The following EEFSEC variants were observed in gnomAD, a reference collection of about 807,000 sequenced individuals.
EEFSEC encodes eukaryotic elongation factor, selenocysteine-tRNA specific, also known as selenocysteine-specific elongation factor.
EEFSEC carries 43 observed loss-of-function variants against 42.1 expected under a neutral mutation model. The ratio of observed to expected loss-of-function variants is 1.02; its 90% CI spans 0.80 to 1.32. The LOEUF is 1.32. Among genes scored for constraint, EEFSEC ranks in the 40% most tolerant of loss-of-function variants. The probability of loss-of-function intolerance (pLI) is 0.00; values close to 1 mark genes in which losing one functional copy is unlikely to be tolerated. For synonymous variants in EEFSEC, 354 were observed against 339.1 expected (o/e 1.04, Z -0.48); for missense variants, 745 against 803.6 (o/e 0.93, Z 0.88).
intron 1 of EEFSEC, among the ~76,000 whole-genome samples, chr3:128,206,818 A>C (rs796453842): frequency 2.0e-5 from 3 of 152,200 alleles, no homozygotes; most frequent in South Asian, 4.1e-4. Context: ...TGGGGACTTC[A>C]CTTTACTTCT....
intron 6 of EEFSEC, among the ~76,000 whole-genome samples, chr3:128,366,253 T>C (rs866108680): frequency 1.2e-4 from 19 of 152,228 alleles, no homozygotes; most frequent in African/African-American, 4.6e-4. Flanking sequence ...CATTGGTCCA[T>C]ATGGGCTGGT....
At position 128,358,366 on chromosome 3, in the gene EEFSEC, C is replaced by A; in HGVS notation, c.1593C>A (p.His531Gln). The change falls in exon 6 of 7, where the codon CAC becomes CAA. Residue 531 changes from histidine (H) to glutamine (Q), a missense_variant. Coordinates refer to ENST00000254730, the MANE Select transcript of EEFSEC (RefSeq NM_021937.5). ...AFGQSGKFKI[H>Q]IPGGLSPESK... ...GCCAGAGCGGCAAGTTCAAGATCCA[C>A]ATCCCAGGTAAGTGCAGCCACTTCC... is the stretch of plus-strand genomic sequence containing the variant. The A allele has an allele frequency of 6.2e-7, 1 of 1,614,220 alleles. No individual in the cohort carries two copies. The highest frequency in any genetic ancestry group is 8.5e-7 in the Non-Finnish European group (1 of 1,180,014).
intron 6 of EEFSEC, among the ~76,000 whole-genome samples, chr3:128,390,382 T>C (rs921794506): frequency 4.6e-5 from 7 of 152,208 alleles, no homozygotes; most frequent in African/African-American, 1.7e-4. Flanking sequence ...GAGGGGTGCA[T>C]GTGGGGAAGG....
At chr3:128,392,181 G>A (rs998245317) in intron 6 of EEFSEC, among the ~76,000 whole-genome samples, 4 of 152,168 alleles carry the variant, frequency 2.6e-5, no homozygotes, top group Non-Finnish European at 5.9e-5. Flanking sequence ...CAGGGCATGC[G>A]GGACCCAGAG....
chr3:128,272,084 C>T (rs970978201), intron 4 of EEFSEC, among the ~76,000 whole-genome samples: 4 of 152,180 alleles, frequency 2.6e-5, no homozygotes, highest in Non-Finnish European at 4.4e-5. Flanking sequence ...TGGATGTCAT[C>T]AGGAGTGCTG....
intron 1 of EEFSEC, among the ~76,000 whole-genome samples, chr3:128,233,075 A>G (rs1349986529): frequency 6.6e-6 from 1 of 152,236 alleles, no homozygotes; most frequent in East Asian, 1.9e-4. Flanking sequence ...CTGGCTTAGC[A>G]GGACTGAAGG....
intron 1 of EEFSEC, among the ~76,000 whole-genome samples, chr3:128,219,088 C>G (rs2107844023): frequency 6.6e-6 from 1 of 152,306 alleles, no homozygotes; most frequent in Non-Finnish European, 1.5e-5. Flanking sequence ...GTGCTGGATG[C>G]CTCTGCTCGG....
chr3:128,398,674 G>A (rs1576703669), intron 6 of EEFSEC, among the ~76,000 whole-genome samples: 2 of 151,948 alleles, frequency 1.3e-5, no homozygotes, highest in South Asian at 2.1e-4. Context: ...CCTCCAAGGA[G>A]CCTGTGGCAA....
At chr3:128,383,708 A>G (rs2067803725) in intron 6 of EEFSEC, among the ~76,000 whole-genome samples, 1 of 152,250 alleles carries the variant, frequency 6.6e-6, no homozygotes, top group African/African-American at 2.4e-5. Context: ...GCCTCGTGCC[A>G]GGCCCTGAGT....
At chr3:128,227,311 A>C (rs2065917792) in intron 1 of EEFSEC, among the ~76,000 whole-genome samples, 3 of 146,892 alleles carry the variant, frequency 2.0e-5, no homozygotes, top group Non-Finnish European at 3.0e-5. Context: ...TCCTCCCCCT[A>C]CCCCCCCACT....
the EEFSEC span, among the ~76,000 whole-genome samples, chr3:128,413,685 G>GC: frequency 1.3e-5 from 2 of 152,202 alleles, no homozygotes; most frequent in Admixed American, 1.3e-4. Flanking sequence ...CACAGGTGAG[G>GC]CCTCTAGGTC....
intron 5 of EEFSEC, among the ~76,000 whole-genome samples, chr3:128,346,102 G>A (rs188211044): frequency 1.6e-4 from 25 of 152,360 alleles, no homozygotes; most frequent in Admixed American, 9.1e-4. Flanking sequence ...CTGTGCGTCT[G>A]CATCACTGGC....
chr3:128,413,098 G>A (rs543040321), downstream of EEFSEC, among the ~76,000 whole-genome samples: 3 of 152,308 alleles, frequency 2.0e-5, no homozygotes, highest in East Asian at 5.8e-4. Flanking sequence ...CAAACAGGGG[G>A]CAGAGGCCAT....
At chr3:128,178,420 C>T (rs1199324523) in intron 1 of EEFSEC, among the ~76,000 whole-genome samples, 2 of 152,112 alleles carry the variant, frequency 1.3e-5, no homozygotes, top group Non-Finnish European at 2.9e-5. Flanking sequence ...ATGTCAATAG[C>T]CTCCAGACAA....
Position 128,341,682 on chromosome 3 carries a change from C to G in EEFSEC, c.1236C>G (p.Ala412=). The change falls in exon 5 of 7, where the codon GCC becomes GCG. Residue 412 remains alanine, a synonymous_variant. Transcript: ENST00000254730. ...TEGHCPRQQW[A]LVEFEKPVTC... is the part of the protein sequence containing the mutation. ...GCCATTGTCCTCGGCAGCAGTGGGC[C>G]CTGGTGGAGTTTGAGAAGCCCGTCA... 1.2e-6 allele frequency: 2 copies of G among 1,614,100 alleles called. No individual in the cohort carries two copies. The highest frequency in any genetic ancestry group is 1.7e-6 in the Non-Finnish European group (2 of 1,180,038).
At chr3:128,404,077 G>A (rs1004229888) in intron 6 of EEFSEC, among the ~76,000 whole-genome samples, 5 of 152,238 alleles carry the variant, frequency 3.3e-5, no homozygotes, top group African/African-American at 9.6e-5. Flanking sequence ...GAGTCTGGCT[G>A]GGTGGGTAGC....
intron 1 of EEFSEC, among the ~76,000 whole-genome samples, chr3:128,184,028 TC>T (rs746724119): frequency 6.6e-5 from 10 of 152,170 alleles, no homozygotes; most frequent in Non-Finnish European, 1.5e-4. Flanking sequence ...TGTTCAGTGT[TC>T]CAGAGAGATG....
At chr3:128,182,893 G>GGC (rs2065426054) in intron 1 of EEFSEC, among the ~76,000 whole-genome samples, 2 of 142,300 alleles carry the variant, frequency 1.4e-5, no homozygotes, top group South Asian at 2.4e-4. Context: ...CGGGGGGGTG[G>GGC]GGTGGTTGGT....
intron 1 of EEFSEC, among the ~76,000 whole-genome samples, chr3:128,201,300 G>C (rs1363288496): frequency 6.6e-6 from 1 of 151,960 alleles, no homozygotes; most frequent in Non-Finnish European, 1.5e-5. Context: ...CAGGGTACTA[G>C]GTAATGAGTA....
Sources: gnomAD v4.1 joint callset for allele counts (sites outside exome capture counted in the v4.1 genomes callset) on GRCh38, gnomAD v4.1.1 for gene constraint, MANE v1.5 for transcripts, NCBI Gene and HGNC (gene_info 2026-07-23, HGNC 2026-07-21) for gene names.